FBXL17: variants seen among roughly 807,000 people sequenced by gnomAD.
FBXL17 encodes the protein F-box and leucine rich repeat protein 17.
A neutral mutation model predicts 66.2 loss-of-function variants in FBXL17; 22 were observed. That is an observed-to-expected ratio of 0.33 (90% CI 0.24 to 0.47). The LOEUF is 0.47. Among genes scored for constraint, FBXL17 ranks in the 20% least tolerant of loss-of-function variants. FBXL17 has a pLI of 1.00. For missense variants in FBXL17, 878 were observed against 948.2 expected, an observed-to-expected ratio of 0.93 and a Z score of 0.97; for synonymous variants, 474 against 400.5, an observed-to-expected ratio of 1.18 and a Z score of -2.19.
At chr5:108,009,987 T>G (rs2112737238) in intron 7 of FBXL17, among the ~76,000 whole-genome samples, 1 of 152,308 alleles carries the variant, frequency 6.6e-6, no homozygotes, top group East Asian at 1.9e-4. Context: ...TTCTACCCTC[T>G]AGCAGGTCAT....
chr5:107,970,313 C>T (rs539287288), intron 7 of FBXL17, among the ~76,000 whole-genome samples: 1 of 152,142 alleles, frequency 6.6e-6, no homozygotes, highest in South Asian at 2.1e-4. Flanking sequence ...GCACTACTTG[C>T]AGAAACACTT....
At chr5:107,959,326 A>G (rs1240435453) in intron 7 of FBXL17, among the ~76,000 whole-genome samples, 1 of 151,912 alleles carries the variant, frequency 6.6e-6, no homozygotes, top group Non-Finnish European at 1.5e-5. Context: ...TTGGTAATAC[A>G]GAAAACTAAA....
intron 4 of FBXL17, among the ~76,000 whole-genome samples, chr5:108,277,049 C>A (rs1757511253): frequency 6.6e-6 from 1 of 151,744 alleles, no homozygotes; most frequent in South Asian, 2.1e-4. Context: ...CCATTTAAAC[C>A]AAAAATTACT....
chr5:108,257,389 T>C (rs963386934), intron 4 of FBXL17, among the ~76,000 whole-genome samples: 1 of 152,116 alleles, frequency 6.6e-6, no homozygotes, highest in African/African-American at 2.4e-5. Flanking sequence ...ACATCCACCA[T>C]GATGAAACAC....
chr5:107,981,838 C>T (rs924028566), intron 7 of FBXL17, among the ~76,000 whole-genome samples: 1 of 152,072 alleles, frequency 6.6e-6, no homozygotes, highest in Non-Finnish European at 1.5e-5. Context: ...AATTTTTTAC[C>T]CCACCATGCT....
chr5:107,983,375 G>C (rs1307180775), intron 7 of FBXL17, among the ~76,000 whole-genome samples: 1 of 151,260 alleles, frequency 6.6e-6, no homozygotes, highest in Admixed American at 6.6e-5. Flanking sequence ...TTTTTTCTTA[G>C]TAGAGACAAG....
At chr5:108,013,507 C>A (rs1329930229) in intron 7 of FBXL17, among the ~76,000 whole-genome samples, 1 of 152,160 alleles carries the variant, frequency 6.6e-6, no homozygotes, top group Non-Finnish European at 1.5e-5. Context: ...TCCCATGTCT[C>A]CTCTTCCACA....
intron 7 of FBXL17, among the ~76,000 whole-genome samples, chr5:107,939,016 AAT>A (rs1260954597): frequency 1.3e-5 from 2 of 152,180 alleles, no homozygotes; most frequent in African/African-American, 2.4e-5. Flanking sequence ...ATTCAGACGA[AAT>A]AGAATTTAGC....
intron 6 of FBXL17, among the ~76,000 whole-genome samples, chr5:108,183,229 C>T (rs538495715): frequency 3.8e-3 from 580 of 151,874 alleles, no homozygotes; most frequent in Non-Finnish European, 6.6e-3. Flanking sequence ...TTAGTAAAGA[C>T]GGGGTTTCAC....
intron 7 of FBXL17, among the ~76,000 whole-genome samples, chr5:107,979,840 T>C (rs1752738839): frequency 6.6e-6 from 1 of 152,222 alleles, no homozygotes; most frequent in Non-Finnish European, 1.5e-5. Flanking sequence ...AAAGGTTTAT[T>C]TTCATGCCTT....
intron 7 of FBXL17, among the ~76,000 whole-genome samples, chr5:107,980,696 G>A (rs1019990738): frequency 1.2e-5 from 1 of 86,824 alleles, no homozygotes; most frequent in Non-Finnish European, 2.1e-5. Context: ...TTGCTCTGTC[G>A]CCCAGGCTGG....
intron 6 of FBXL17, among the ~76,000 whole-genome samples, chr5:108,072,416 GA>G (rs1748368889): frequency 6.6e-6 from 1 of 152,182 alleles, no homozygotes; most frequent in Non-Finnish European, 1.5e-5. Context: ...ACGTTCCTTA[GA>G]AAGTACAGAA....
rs370349333 is a variant in FBXL17 at position 108,028,079 on chromosome 5, T to C, written c.1746-7078A>G. Among the ~76,000 whole-genome samples, 29 of 152,140 alleles carry C rather than the reference T, an allele frequency of 1.9e-4. 1 individual carries two copies. The highest frequency in any genetic ancestry group is 3.2e-4 in the Non-Finnish European group (22 of 68,014). On this transcript the variant is annotated intron_variant, in intron 6 of 8. Coordinates refer to ENST00000542267, the MANE Select transcript of FBXL17 (RefSeq NM_001163315.3). ...CCCTACATGTAACAAGGATTTACCA[T>C]GTGGAAACAAAAGCTCAGGACCCTA...
intron 4 of FBXL17, among the ~76,000 whole-genome samples, chr5:108,295,697 T>A (rs1457527528): frequency 6.6e-6 from 1 of 151,814 alleles, no homozygotes; most frequent in African/African-American, 2.4e-5. Context: ...AGTAATACAA[T>A]CCAATTGCTA....
At chr5:108,282,201 A>T (rs1251766742) in intron 4 of FBXL17, among the ~76,000 whole-genome samples, 1 of 151,592 alleles carries the variant, frequency 6.6e-6, no homozygotes, top group Non-Finnish European at 1.5e-5. Context: ...GATACCAAAA[A>T]TGAAAGACAC....
At chr5:107,894,962 C>T (rs1749325237) in intron 7 of FBXL17, among the ~76,000 whole-genome samples, 1 of 152,044 alleles carries the variant, frequency 6.6e-6, no homozygotes, top group African/African-American at 2.4e-5. Flanking sequence ...TCTTAGGAAT[C>T]AGTTCTAGGA....
intron 4 of FBXL17, among the ~76,000 whole-genome samples, chr5:108,243,180 G>A (rs1019188956): frequency 1.3e-5 from 2 of 152,098 alleles, no homozygotes; most frequent in African/African-American, 4.8e-5. Flanking sequence ...GAAAGACATT[G>A]GTCTACAACT....
intron 7 of FBXL17, among the ~76,000 whole-genome samples, chr5:107,972,874 C>T (rs755658719): frequency 1.6e-4 from 24 of 152,106 alleles, no homozygotes; most frequent in Non-Finnish European, 3.1e-4. Flanking sequence ...TTATACAATG[C>T]CAAATATAAC....
intron 5 of FBXL17, among the ~76,000 whole-genome samples, chr5:108,187,939 T>C (rs189272608): frequency 2.6e-5 from 4 of 152,376 alleles, no homozygotes; most frequent in African/African-American, 9.6e-5. Context: ...AAATGTTCTA[T>C]ATTTCTGCTG....
Sources: allele counts gnomAD v4.1 joint callset (sites outside exome capture counted in the v4.1 genomes callset), GRCh38; gene constraint gnomAD v4.1.1; transcripts MANE v1.5; gene names NCBI Gene and HGNC (gene_info 2026-07-23, HGNC 2026-07-21).